SMARCA5: variants seen among roughly 807,000 people sequenced by gnomAD.
The protein encoded by SMARCA5 is SNF2 related chromatin remodeling ATPase 5.
A neutral mutation model predicts 140.4 loss-of-function variants in SMARCA5; 18 were observed. The observed-to-expected ratio is 0.13, with a 90% confidence interval of 0.09 to 0.19. SMARCA5 has a LOEUF of 0.19. SMARCA5 is among the 10% of genes least tolerant of loss of function. The pLI is 1.00. For missense variants in SMARCA5, 606 were observed against 1,276.8 expected, an observed-to-expected ratio of 0.47 and a Z score of 8.01; for synonymous variants, 449 against 419.6, an observed-to-expected ratio of 1.07 and a Z score of -0.86.
chr4:143,546,891 A>C lies in SMARCA5; in HGVS notation c.2636A>C (p.Glu879Ala), dbSNP rs1235757287. ...GAAGTAGAAGGCAAAACTCCAGAAG[A>C]AGTCATTGAATATTCAGGTAATTCT... ...AREVEGKTPE[E>A]VIEYSAVFWE... is the part of the protein sequence containing the mutation. Residue 879 changes from glutamate to alanine, a missense_variant, in exon 20 of 24, where the codon GAA becomes GCA. Glu to Ala is a moderately radical substitution (Grantham distance 107). This residue lies in a region of SMARCA5 where 121 missense variants were observed against 227.1 expected (regional missense o/e 0.53). Coordinates refer to ENST00000283131, the MANE Select transcript of SMARCA5 (RefSeq NM_003601.4). 1 of 1,612,606 alleles carries C rather than the reference A, an allele frequency of 6.2e-7. No homozygotes were observed. The highest frequency in any genetic ancestry group is 1.3e-5 in the African/African-American group (1 of 74,888).
chr4:143,534,354 T>C (rs535659382), intron 9 of SMARCA5, among the ~76,000 whole-genome samples: 1 of 152,252 alleles, frequency 6.6e-6, no homozygotes, highest in East Asian at 1.9e-4. Context: ...TATATACAGT[T>C]AGCCCTTCAT....
intron 2 of SMARCA5, among the ~76,000 whole-genome samples, chr4:143,520,040 A>G (rs1253177408): frequency 5.9e-5 from 9 of 152,156 alleles, no homozygotes; most frequent in Admixed American, 5.9e-4. Flanking sequence ...GTTTGATTTT[A>G]TAATTGATTT....
chr4:143,520,493 T>G (rs775112246), intron 2 of SMARCA5, among the ~76,000 whole-genome samples: 1 of 152,230 alleles, frequency 6.6e-6, no homozygotes, highest in Non-Finnish European at 1.5e-5. Flanking sequence ...CTTCAGTTTT[T>G]ACATTGGTGT....
intron 21 of SMARCA5, 47 bp from the exon 22 acceptor site, chr4:143,547,880 AT>A (rs757580500): frequency 8.6e-5 from 97 of 1,130,582 alleles, no homozygotes; most frequent in Admixed American, 1.9e-4. Context: ...TGAAATACAG[AT>A]TATATAGGAT....
intron 5 of SMARCA5, 48 bp from the exon 6 acceptor site, chr4:143,526,233 T>C: frequency 6.9e-7 from 1 of 1,444,766 alleles, no homozygotes. Flanking sequence ...AATTGTGAAA[T>C]AATATTTTCA....
intron 9 of SMARCA5, 51 bp from the exon 10 acceptor site, chr4:143,534,804 T>C (rs776781186): frequency 7.8e-7 from 1 of 1,275,820 alleles, no homozygotes; most frequent in East Asian, 2.5e-5. Context: ...TGCTGAAATA[T>C]GACCTTATGT....
At chr4:143,549,867 G>GT (rs1223562668) in intron 22 of SMARCA5, 130 bp from the exon 23 acceptor site, 5,427 of 471,522 alleles carry the variant, frequency 0.012, no homozygotes, top group South Asian at 0.019. Context: ...AAAATCAGTT[G>GT]TTTTTTTTTT....
intron 2 of SMARCA5, 43 bp from the exon 3 acceptor site, chr4:143,521,382 TTTAA>T (rs1204605971): frequency 2.1e-6 from 3 of 1,435,288 alleles, no homozygotes; most frequent in South Asian, 1.2e-5. Context: ...TTTCTGAAGT[TTTAA>T]TTGATACTCT....
At chr4:143,528,157 C>T (rs1433279773) in intron 7 of SMARCA5, 134 bp downstream of exon 7, 1 of 630,220 alleles carries the variant, frequency 1.6e-6, no homozygotes, top group Admixed American at 3.7e-5. Flanking sequence ...TATGCATGTG[C>T]CATGGTGGTT....
Position 143,542,800 on chromosome 4 carries a change from G to A in SMARCA5, c.1904-709G>A, listed in dbSNP as rs181108983. Among the ~76,000 whole-genome samples the A allele has an allele frequency of 1.2e-4, 18 of 152,206 alleles. No individual in the cohort carries two copies. In the East Asian group the frequency reaches 3.5e-3, roughly 29 times the overall value. On this transcript the variant is annotated intron_variant, in intron 14 of 23. Coordinates refer to ENST00000283131, the MANE Select transcript of SMARCA5 (RefSeq NM_003601.4). The stretch of plus-strand genomic sequence containing the variant: ...GAAAATATTTATTAATTTATTAATG[G>A]TGAGTTTCTTCGATGATCCAGATAC...
chr4:143,517,206 C>T, intron 1 of SMARCA5, 149 bp from the exon 2 acceptor site: 1 of 557,104 alleles, frequency 1.8e-6, no homozygotes, highest in Non-Finnish European at 3.2e-6. Context: ...ATCAGTTTTT[C>T]TGTTAGCTTA....
intron 22 of SMARCA5, among the ~76,000 whole-genome samples, chr4:143,549,316 G>T (rs1479198670): frequency 6.6e-6 from 1 of 152,030 alleles, no homozygotes; most frequent in African/African-American, 2.4e-5. Flanking sequence ...GTGTGTAGTA[G>T]TATCACTTAC....
In SMARCA5 at chr4:143,556,761, ATTAAC is replaced by A. The variant is rs1463250194; in HGVS notation, c.*3580_*3584del. On this transcript the variant is annotated 3_prime_UTR_variant, in exon 24 of 24. Transcript: ENST00000283131. ...TCTTGGTGTGGAGCAGTGCTGCAGAATTAACTTCGCTGTGTACATCCCAGAATCGT... is the reference window on the plus strand; with the variant it reads ...TCTTGGTGTGGAGCAGTGCTGCAGAATTCGCTGTGTACATCCCAGAATCGT... 6.6e-6 allele frequency: 1 copy of A among 152,234 alleles called. No individual in the cohort carries two copies. Among genetic ancestry groups the A allele is most frequent in the Non-Finnish European group, 1.5e-5 (1 of 68,038 alleles). The allele number at this position is 152,234 out of a possible 1,614,324, so 9.4% of individuals were successfully genotyped here. A position where few individuals can be genotyped will look rare whatever the true frequency, so the allele number is the denominator to read the frequency against.
At chr4:143,524,611 T>C (rs75237294) in intron 4 of SMARCA5, 144 bp downstream of exon 4, 16,315 of 593,448 alleles carry the variant, frequency 0.027, 313 homozygotes, top group South Asian at 0.047. Flanking sequence ...AAACTTCAGA[T>C]TTTGATGGAG....
In SMARCA5 at chr4:143,556,467, T is replaced by C. The variant is rs1416500140; in HGVS notation, c.*3283T>C. On this transcript the variant is annotated 3_prime_UTR_variant, in exon 24 of 24. Transcript: ENST00000283131. ...GCTACTATATTTCAAACCAGTAGTTTTGGAGTAGAACATTGCTAAAAAAAT... is the reference window on the plus strand; with the variant it reads ...GCTACTATATTTCAAACCAGTAGTTCTGGAGTAGAACATTGCTAAAAAAAT... 1 of 152,170 alleles carries C rather than the reference T, an allele frequency of 6.6e-6. No homozygotes were observed. Among genetic ancestry groups the C allele is most frequent in the African/African-American group, 2.4e-5 (1 of 41,442 alleles). 9.4% of individuals were successfully genotyped at this position (152,170 alleles called of 1,614,324 possible). A position where few individuals can be genotyped will look rare whatever the true frequency, so the allele number is the denominator to read the frequency against.
chr4:143,527,042 G>T (rs930909008), intron 6 of SMARCA5, among the ~76,000 whole-genome samples: 1 of 152,154 alleles, frequency 6.6e-6, no homozygotes, highest in African/African-American at 2.4e-5. Context: ...AATTTAAGGA[G>T]CCACATTTTT....
rs751874062 is a variant in SMARCA5, at chr4:143,553,263, A to G, written c.*79A>G. On this transcript the variant is annotated 3_prime_UTR_variant, in exon 24 of 24. Transcript: ENST00000283131. ...GGGTCTTCATAAGATGTACTGTACAATGCTCAATTGTTATGTCATTTAAAG... is the reference window on the plus strand; with the variant it reads ...GGGTCTTCATAAGATGTACTGTACAGTGCTCAATTGTTATGTCATTTAAAG... The G allele has an allele frequency of 1.1e-4, 105 of 938,558 alleles. No individual in the cohort carries two copies. The Admixed American group carries it at 1.5e-3, about 13-fold the overall frequency. The allele number at this position is 938,558 out of a possible 1,614,324, so 58.1% of individuals were successfully genotyped here. A position where few individuals can be genotyped will look rare whatever the true frequency, so the allele number is the denominator to read the frequency against.
intron 2 of SMARCA5, among the ~76,000 whole-genome samples, chr4:143,518,971 T>C (rs1736898835): frequency 6.6e-6 from 1 of 152,156 alleles, no homozygotes. Context: ...AATCTTGACT[T>C]GCCTTGAAAG....
intron 1 of SMARCA5, among the ~76,000 whole-genome samples, chr4:143,515,379 A>C (rs1042031859): frequency 2.6e-5 from 4 of 152,130 alleles, no homozygotes; most frequent in African/African-American, 9.7e-5. Flanking sequence ...AAATATATTC[A>C]GTGTTGCTTT....
Sources: gnomAD v4.1 joint callset for allele counts (sites outside exome capture counted in the v4.1 genomes callset) on GRCh38, gnomAD v4.1.1 for gene constraint, gnomAD v4.1.1 regional missense constraint, MANE v1.5 for transcripts, NCBI Gene and HGNC (gene_info 2026-07-23, HGNC 2026-07-21) for gene names.